PLEKHA5: variants seen among roughly 807,000 people sequenced by gnomAD.
PLEKHA5 encodes the protein pleckstrin homology domain containing A5.
PLEKHA5 carries 55 observed loss-of-function variants against 181.9 expected under a neutral mutation model. The observed-to-expected ratio is 0.30, with a 90% CI of 0.24 to 0.38. The LOEUF is 0.38. Ranked by LOEUF, PLEKHA5 falls within the 10% of genes least tolerant of loss-of-function variation. PLEKHA5 has a pLI of 1.00. For synonymous variants in PLEKHA5, 535 were observed against 529.4 expected (o/e 1.01, Z -0.15); for missense variants, 1,432 against 1,549.5 (o/e 0.92, Z 1.27).
intron 20 of PLEKHA5, among the ~76,000 whole-genome samples, chr12:19,332,069 G>A (rs1268292812): frequency 6.6e-6 from 1 of 152,004 alleles, no homozygotes; most frequent in Non-Finnish European, 1.5e-5. Context: ...AAGATTGCTT[G>A]AGCCCAGGAG....
Position 19,262,701 on chromosome 12 carries a change from A to T in PLEKHA5, c.610+1680A>T, listed in dbSNP as rs962839248. On this transcript the variant is annotated intron_variant, in intron 7 of 31. Transcript: ENST00000429027. ...AGTGAATCAGAAGCCATGCTGATGG[A>T]TATAAAGATGAGAACAGTAGACACT... Among the ~76,000 whole-genome samples, 3 of 152,310 alleles carry T rather than the reference A, an allele frequency of 2.0e-5. No homozygotes were observed. In the South Asian group the frequency reaches 6.2e-4, roughly 32 times the overall value.
intron 3 of PLEKHA5, among the ~76,000 whole-genome samples, chr12:19,203,167 G>C (rs2054587232): frequency 6.6e-6 from 1 of 152,088 alleles, no homozygotes; most frequent in Non-Finnish European, 1.5e-5. Flanking sequence ...ATGCATGTTA[G>C]AGAGCAATTT....
chr12:19,359,588 T>C, intron 28 of PLEKHA5, 42 bp downstream of exon 28: 3 of 1,559,886 alleles, frequency 1.9e-6, no homozygotes, highest in Non-Finnish European at 2.6e-6. Flanking sequence ...AAGGAATAGA[T>C]TTGTGAAGAT....
chr12:19,220,488 A>G (rs370762187), intron 3 of PLEKHA5, among the ~76,000 whole-genome samples: 1 of 152,178 alleles, frequency 6.6e-6, no homozygotes, highest in African/African-American at 2.4e-5. Flanking sequence ...ATTTTAAACA[A>G]TACAACTTTA....
intron 11 of PLEKHA5, among the ~76,000 whole-genome samples, chr12:19,282,753 C>T (rs961930406): frequency 1.3e-5 from 2 of 152,104 alleles, no homozygotes; most frequent in Non-Finnish European, 2.9e-5. Context: ...ATCTTTAAAT[C>T]AAACTCTACA....
chr12:19,267,148 A>C (rs2070734002), intron 8 of PLEKHA5, among the ~76,000 whole-genome samples: 1 of 152,192 alleles, frequency 6.6e-6, no homozygotes, highest in Non-Finnish European at 1.5e-5. Flanking sequence ...TGGCTAAAAT[A>C]AATTTCAGAG....
chr12:19,205,902 G>T (rs925400503), intron 3 of PLEKHA5, among the ~76,000 whole-genome samples: 6 of 151,914 alleles, frequency 3.9e-5, no homozygotes, highest in Admixed American at 2.6e-4. Context: ...AAATGATAGG[G>T]TATATTACAG....
intron 15 of PLEKHA5, among the ~76,000 whole-genome samples, chr12:19,307,928 AAAG>A (rs1471262922): frequency 1.3e-5 from 2 of 152,040 alleles, no homozygotes; most frequent in Non-Finnish European, 2.9e-5. Context: ...GGAAACATAA[AAAG>A]AAGAAGAAAG....
intron 29 of PLEKHA5, among the ~76,000 whole-genome samples, chr12:19,365,408 A>C (rs2095396736): frequency 6.6e-6 from 1 of 151,980 alleles, no homozygotes; most frequent in Non-Finnish European, 1.5e-5. Context: ...GAAAATCCTG[A>C]GGGATACAAT....
intron 25 of PLEKHA5, among the ~76,000 whole-genome samples, chr12:19,353,256 C>G (rs1351449145): frequency 1.3e-5 from 2 of 152,038 alleles, no homozygotes; most frequent in Admixed American, 1.3e-4. Context: ...TGAGTTCAAG[C>G]GATTCTCCTG....
intron 3 of PLEKHA5, among the ~76,000 whole-genome samples, chr12:19,229,332 G>A (rs924309406): frequency 6.6e-6 from 1 of 152,206 alleles, no homozygotes; most frequent in African/African-American, 2.4e-5. Flanking sequence ...CCCTTGCGGT[G>A]AGTGTTACAG....
At chr12:19,234,151 C>T (rs1388019636) in intron 3 of PLEKHA5, among the ~76,000 whole-genome samples, 2 of 152,172 alleles carry the variant, frequency 1.3e-5, no homozygotes, top group African/African-American at 4.8e-5. Context: ...CTTAGATTTG[C>T]GCTTTTATAA....
intron 15 of PLEKHA5, chr12:19,307,605 T>C: frequency 6.1e-6 from 2 of 328,378 alleles, no homozygotes; most frequent in Non-Finnish European, 1.2e-5. Flanking sequence ...TCTCATCTTC[T>C]AGACACAGTC....
At chr12:19,242,477 G>A (rs1470160883) in intron 3 of PLEKHA5, among the ~76,000 whole-genome samples, 2 of 152,072 alleles carry the variant, frequency 1.3e-5, no homozygotes, top group East Asian at 3.9e-4. Flanking sequence ...CTGACCTCAG[G>A]TGATCCACCT....
intron 24 of PLEKHA5, among the ~76,000 whole-genome samples, 196 bp downstream of exon 24, chr12:19,347,378 T>G (rs1042371601): frequency 5.9e-5 from 9 of 151,860 alleles, no homozygotes; most frequent in Non-Finnish European, 1.2e-4. Context: ...ATTTTTAATA[T>G]TTTTATAATT....
intron 3 of PLEKHA5, among the ~76,000 whole-genome samples, chr12:19,213,278 T>C (rs992604857): frequency 2.7e-5 from 4 of 146,158 alleles, no homozygotes; most frequent in Admixed American, 1.4e-4. Context: ...GAAGGATGAA[T>C]AGGCATTTGC....
rs1401539248 is a variant in PLEKHA5, at chr12:19,353,462, C to CT, written c.3020-412dup. Among the ~76,000 whole-genome samples the CT allele has an allele frequency of 3.9e-4, 57 of 147,146 alleles. 1 individual carries two copies. Among genetic ancestry groups the CT allele is most frequent in the Admixed American group, 7.5e-4 (11 of 14,644 alleles). On this transcript the variant is annotated intron_variant, in intron 25 of 31. Coordinates refer to ENST00000429027, the MANE Select transcript of PLEKHA5 (RefSeq NM_001256470.2). ...GTGAGTCACCACGCCCAGCCTGACT[C>CT]TTTTTTTTTTATTTTTAGACAGAGT...
intron 21 of PLEKHA5, among the ~76,000 whole-genome samples, chr12:19,342,615 C>T (rs954115961): frequency 6.6e-6 from 1 of 151,932 alleles, no homozygotes; most frequent in Non-Finnish European, 1.5e-5. Context: ...GAGATTATGT[C>T]GTTGCACAAA....
chr12:19,207,008 G>A (rs1015527312), intron 3 of PLEKHA5, among the ~76,000 whole-genome samples: 8 of 152,088 alleles, frequency 5.3e-5, no homozygotes, highest in Non-Finnish European at 1.2e-4. Context: ...ATTGTGGGAA[G>A]AAAACAAACA....
Sources: gnomAD v4.1 joint callset for allele counts (sites outside exome capture counted in the v4.1 genomes callset) on GRCh38, gnomAD v4.1.1 for gene constraint, MANE v1.5 for transcripts, NCBI Gene and HGNC (gene_info 2026-07-23, HGNC 2026-07-21) for gene names.